Variants in VTA1 observed in about 807,000 individuals in gnomAD.
The protein encoded by VTA1 is vacuolar protein sorting-associated protein VTA1 homolog.
A neutral mutation model predicts 36.9 loss-of-function variants in VTA1; 24 were observed. That is an observed-to-expected ratio of 0.65 (90% confidence interval 0.47 to 0.91). VTA1 has a LOEUF of 0.91. Ranked by LOEUF, VTA1 falls within the 40% of genes least tolerant of loss-of-function variation. The probability of loss-of-function intolerance (pLI) is 0.00; values close to 1 mark genes in which losing one functional copy is unlikely to be tolerated. For missense variants in VTA1, 393 were observed against 377.2 expected (o/e 1.04, Z -0.35); for synonymous variants, 142 against 130.2 (o/e 1.09, Z -0.62).
chr6:142,161,575 T>C (rs186795702), intron 1 of VTA1, among the ~76,000 whole-genome samples: 1 of 152,312 alleles, frequency 6.6e-6, no homozygotes, highest in African/African-American at 2.4e-5. Context: ...GCCTCATTAC[T>C]CATCATCAAA....
intron 4 of VTA1, among the ~76,000 whole-genome samples, chr6:142,178,449 T>G (rs1309208862): frequency 6.6e-6 from 1 of 151,920 alleles, no homozygotes; most frequent in African/African-American, 2.4e-5. Flanking sequence ...TCCAAAGAAC[T>G]AAAGAACAGC....
chr6:142,148,099 G>A (rs1245817261), intron 1 of VTA1, among the ~76,000 whole-genome samples: 2 of 152,204 alleles, frequency 1.3e-5, no homozygotes, highest in Admixed American at 1.3e-4. Context: ...GGGAGTGCCA[G>A]TAATTCTGTG....
chr6:142,154,562 C>T (rs1778626716), intron 1 of VTA1, among the ~76,000 whole-genome samples: 1 of 152,066 alleles, frequency 6.6e-6, no homozygotes, highest in Non-Finnish European at 1.5e-5. Flanking sequence ...TGCAGAGCAT[C>T]TGTACCATTT....
At chr6:142,161,835 G>T (rs1240290490) in intron 1 of VTA1, among the ~76,000 whole-genome samples, 1 of 152,068 alleles carries the variant, frequency 6.6e-6, no homozygotes, top group Non-Finnish European at 1.5e-5. Flanking sequence ...GTTTTCTTAA[G>T]TGAATTCAAG....
intron 5 of VTA1, among the ~76,000 whole-genome samples, chr6:142,195,595 CTTTTTTTTTTTTTT>C (rs72442499): frequency 4.2e-5 from 3 of 70,708 alleles, no homozygotes; most frequent in Non-Finnish European, 8.5e-5. Flanking sequence ...GTTTAATTTG[CTTTTTTTTTTTTTT>C]TTTTTTAGCT....
rs1356108832 is a variant in VTA1, at chr6:142,222,302, C to G, written c.*3659C>G. ...AACTGATAACGGTGTTTTGTCAATG[C>G]GGCAGAGGGAGAAGAAGAAATAAGG... On this transcript the variant is annotated 3_prime_UTR_variant, in exon 8 of 8. Transcript: ENST00000367630. 6.6e-6 allele frequency: 1 copy of G among 152,080 alleles called. No individual in the cohort carries two copies. The highest frequency in any genetic ancestry group is 2.4e-5 in the African/African-American group (1 of 41,400). 9.4% of individuals were successfully genotyped at this position (152,080 alleles called of 1,614,324 possible). A position where few individuals can be genotyped will look rare whatever the true frequency, so the allele number is the denominator to read the frequency against.
At chr6:142,173,319 G>A (rs1156556114) in intron 4 of VTA1, among the ~76,000 whole-genome samples, 1 of 152,234 alleles carries the variant, frequency 6.6e-6, no homozygotes, top group Non-Finnish European at 1.5e-5. Flanking sequence ...ATTCGTAGAT[G>A]TGAATGGAAA....
chr6:142,196,100 C>T (rs1045155563), intron 5 of VTA1, among the ~76,000 whole-genome samples: 1 of 152,264 alleles, frequency 6.6e-6, no homozygotes, highest in African/African-American at 2.4e-5. Flanking sequence ...ATATTAGGCA[C>T]ATGTACCTTT....
intron 1 of VTA1, among the ~76,000 whole-genome samples, chr6:142,161,090 C>CCCT (rs1562256116): frequency 2.2e-5 from 3 of 137,124 alleles, no homozygotes; most frequent in Non-Finnish European, 4.6e-5. Flanking sequence ...CCCCCCCCCC[C>CCCT]TTTTTTTGGG....
At chr6:142,152,990 T>G (rs1408171889) in intron 1 of VTA1, among the ~76,000 whole-genome samples, 1 of 152,174 alleles carries the variant, frequency 6.6e-6, no homozygotes, top group East Asian at 1.9e-4. Flanking sequence ...TCTTACAGAT[T>G]ATTTTTCATG....
At chr6:142,162,201 T>A (rs1044315921) in intron 1 of VTA1, among the ~76,000 whole-genome samples, 1 of 152,216 alleles carries the variant, frequency 6.6e-6, no homozygotes, top group Non-Finnish European at 1.5e-5. Context: ...GCGTTAATTA[T>A]CTGCATGTTT....
intron 1 of VTA1, among the ~76,000 whole-genome samples, chr6:142,154,520 G>A (rs1778625611): frequency 6.6e-6 from 1 of 152,062 alleles, no homozygotes; most frequent in Non-Finnish European, 1.5e-5. Context: ...GTAATTGCAT[G>A]TTTAGTTTTA....
At chr6:142,172,077 C>G (rs1036164172) in intron 4 of VTA1, among the ~76,000 whole-genome samples, 1 of 152,124 alleles carries the variant, frequency 6.6e-6, no homozygotes, top group Non-Finnish European at 1.5e-5. Flanking sequence ...GTGGCACAAT[C>G]TTGGCTCACT....
chr6:142,218,741 T>G lies in VTA1; in HGVS notation c.*98T>G. 5 of 1,372,254 alleles carry G rather than the reference T, an allele frequency of 3.6e-6. No homozygotes were observed. Among genetic ancestry groups the G allele is most frequent in the Non-Finnish European group, 4.8e-6 (5 of 1,032,290 alleles). The allele number at this position is 1,372,254 out of a possible 1,614,324, so 85.0% of individuals were successfully genotyped here. On this transcript the variant is annotated 3_prime_UTR_variant, in exon 8 of 8. Coordinates refer to ENST00000367630, the MANE Select transcript of VTA1 (RefSeq NM_016485.5). ...CAGGATCACAGTTTTAAGGAAGACT[T>G]GGTTTTGTTGAATATGACAATGAAA... is the stretch of plus-strand genomic sequence containing the variant.
chr6:142,208,485 G>A (rs1173015976), intron 7 of VTA1, among the ~76,000 whole-genome samples: 3 of 152,096 alleles, frequency 2.0e-5, no homozygotes, highest in Non-Finnish European at 4.4e-5. Flanking sequence ...GTTCAAGAGG[G>A]AGCTGAGCGA....
At chr6:142,189,797 C>T (rs944461856) in intron 5 of VTA1, among the ~76,000 whole-genome samples, 2 of 151,992 alleles carry the variant, frequency 1.3e-5, no homozygotes, top group Non-Finnish European at 1.5e-5. Context: ...CGCTCTGTCG[C>T]CCAGGCTGGA....
At chr6:142,162,006 T>C (rs1353856687) in intron 1 of VTA1, among the ~76,000 whole-genome samples, 1 of 152,162 alleles carries the variant, frequency 6.6e-6, no homozygotes, top group Non-Finnish European at 1.5e-5. Flanking sequence ...ATTAAAGATA[T>C]TACCATATAA....
At chr6:142,171,190 G>T (rs923078046) in intron 4 of VTA1, among the ~76,000 whole-genome samples, 7 of 152,058 alleles carry the variant, frequency 4.6e-5, no homozygotes, top group Non-Finnish European at 7.4e-5. Flanking sequence ...CGCCTCCCAG[G>T]TTCAAGCGAT....
chr6:142,203,874 C>G (rs1050958987), intron 6 of VTA1, 111 bp from the exon 7 acceptor site: 11 of 832,126 alleles, frequency 1.3e-5, no homozygotes, highest in Non-Finnish European at 2.1e-5. Flanking sequence ...ATTGATGTTT[C>G]TAGAAAATAA....
Sources: gnomAD v4.1 joint callset for allele counts (sites outside exome capture counted in the v4.1 genomes callset) on GRCh38, gnomAD v4.1.1 for gene constraint, MANE v1.5 for transcripts, NCBI Gene and HGNC (gene_info 2026-07-23, HGNC 2026-07-21) for gene names.